The following RBFOX3 variants were observed in gnomAD, a reference collection of about 807,000 sequenced individuals.
The protein encoded by RBFOX3 is RNA binding protein fox-1 homolog 3.
Under a neutral mutation model 48.7 loss-of-function variants are expected in RBFOX3, and 17 were observed. That is an observed-to-expected ratio of 0.35 (90% CI 0.24 to 0.52). RBFOX3 has a LOEUF of 0.52. Ranked by LOEUF, RBFOX3 falls within the 20% of genes least tolerant of loss-of-function variation. The pLI, the probability that RBFOX3 is intolerant of heterozygous loss-of-function variation, is 0.94. For synonymous variants in RBFOX3, 212 were observed against 209.5 expected (o/e 1.01, Z -0.10); for missense variants, 382 against 497.5 (o/e 0.77, Z 2.21).
intron 1 of RBFOX3, among the ~76,000 whole-genome samples, chr17:79,518,697 C>T (rs1291107300): frequency 1.3e-5 from 2 of 152,232 alleles, no homozygotes; most frequent in African/African-American, 2.4e-5. Flanking sequence ...CGTGCAAAAC[C>T]GGGGTTGAGG....
intron 2 of RBFOX3, among the ~76,000 whole-genome samples, chr17:79,432,982 C>T (rs1039599522): frequency 2.6e-5 from 4 of 152,172 alleles, no homozygotes; most frequent in Admixed American, 6.5e-5. Context: ...GCTCCCCCTA[C>T]CCCAGCATTA....
chr17:79,146,480 T>A (rs912559311), intron 4 of RBFOX3, among the ~76,000 whole-genome samples: 1 of 152,232 alleles, frequency 6.6e-6, no homozygotes, highest in Admixed American at 6.5e-5. Context: ...GGGTTTAGTC[T>A]TAGCCCTGTT....
chr17:79,190,654 C>T (rs1251955396), intron 4 of RBFOX3, among the ~76,000 whole-genome samples: 2 of 152,094 alleles, frequency 1.3e-5, no homozygotes, highest in African/African-American at 4.8e-5. Context: ...ACCCTGAGTG[C>T]CAAGAAACTC....
chr17:79,405,518 C>A (rs1243340890), intron 2 of RBFOX3, among the ~76,000 whole-genome samples: 1 of 152,034 alleles, frequency 6.6e-6, no homozygotes, highest in African/African-American at 2.4e-5. Flanking sequence ...GCCAGGAGTT[C>A]AAGACCAGCC....
chr17:79,105,430 A>C (rs1044826957), intron 6 of RBFOX3, among the ~76,000 whole-genome samples: 3 of 152,192 alleles, frequency 2.0e-5, no homozygotes, highest in Admixed American at 2.0e-4. Context: ...CAGAGCTCCA[A>C]AATGTCAGCT....
chr17:79,554,957 T>C (rs2091503124), intron 1 of RBFOX3, among the ~76,000 whole-genome samples: 1 of 151,994 alleles, frequency 6.6e-6, no homozygotes, highest in Non-Finnish European at 1.5e-5. Context: ...CATGAACAGC[T>C]AAAATGTACA....
intron 4 of RBFOX3, among the ~76,000 whole-genome samples, chr17:79,142,425 C>T (rs948362238): frequency 3.9e-5 from 6 of 152,170 alleles, no homozygotes; most frequent in Non-Finnish European, 7.3e-5. Context: ...CTGTTGCCCA[C>T]GGCTGAGCAC....
intron 1 of RBFOX3, among the ~76,000 whole-genome samples, chr17:79,585,645 G>A (rs1408774169): frequency 1.3e-5 from 2 of 152,198 alleles, no homozygotes; most frequent in African/African-American, 4.8e-5. Flanking sequence ...GGGCCTGCAT[G>A]AGCTGGCACT....
chr17:79,527,899 G>A (rs1474400484), intron 1 of RBFOX3, among the ~76,000 whole-genome samples: 1 of 152,192 alleles, frequency 6.6e-6, no homozygotes, highest in Admixed American at 6.5e-5. Context: ...GGCCGATGGA[G>A]TCCTTGCCCT....
intron 1 of RBFOX3, among the ~76,000 whole-genome samples, chr17:79,610,139 C>G (rs1201917905): frequency 6.6e-6 from 1 of 152,070 alleles, no homozygotes; most frequent in African/African-American, 2.4e-5. Context: ...GCTCGGCCCC[C>G]GCGCACACCG....
At chr17:79,124,139 T>C (rs2036527218) in intron 4 of RBFOX3, among the ~76,000 whole-genome samples, 1 of 152,242 alleles carries the variant, frequency 6.6e-6, no homozygotes, top group Non-Finnish European at 1.5e-5. Flanking sequence ...CCAGGTCTAG[T>C]GACCACACTG....
In RBFOX3 at chr17:79,233,279, A is replaced by G. The variant is rs1200728756; in HGVS notation, c.-34+2487T>C. Among the ~76,000 whole-genome samples the G allele has an allele frequency of 2.0e-5, 3 of 152,246 alleles. No individual in the cohort carries two copies. In the East Asian group the frequency reaches 5.8e-4, roughly 29 times the overall value. ...GACCACAGATGCTACGATTCTATTTATATAAAACTCCAGAAAATATACATA... is the reference window on the plus strand; with the variant it reads ...GACCACAGATGCTACGATTCTATTTGTATAAAACTCCAGAAAATATACATA... On this transcript the variant is annotated intron_variant, in intron 4 of 14. Coordinates refer to ENST00000693108, the MANE Select transcript of RBFOX3 (RefSeq NM_001350451.2).
chr17:79,333,664 AGAGAG>A (rs2080752537), intron 2 of RBFOX3, among the ~76,000 whole-genome samples: 1 of 152,200 alleles, frequency 6.6e-6, no homozygotes. Flanking sequence ...CCATGACCCC[AGAGAG>A]GTCTGTCTGA....
At position 79,178,544 on chromosome 17, in the gene RBFOX3, G is replaced by A. The variant is rs116370778; in HGVS notation, c.-34+57222C>T. Among the ~76,000 whole-genome samples, 670 of 152,292 alleles carry A rather than the reference G, an allele frequency of 4.4e-3. 3 individuals carry two copies. Among genetic ancestry groups the A allele is most frequent in the African/African-American group, 0.015 (637 of 41,544 alleles). On this transcript the variant is annotated intron_variant, in intron 4 of 14. Coordinates refer to ENST00000693108, the MANE Select transcript of RBFOX3 (RefSeq NM_001350451.2). ...TCTCAGCAGCTTCCCGAGGTAGTAC[G>A]TGACCTAACCTCCCAGTGCCTCGGT...
At chr17:79,181,234 C>G (rs1386432998) in intron 4 of RBFOX3, among the ~76,000 whole-genome samples, 1 of 152,160 alleles carries the variant, frequency 6.6e-6, no homozygotes, top group African/African-American at 2.4e-5. Flanking sequence ...AGACCAGGAC[C>G]CTTACTCTAA....
At chr17:79,585,040 C>T (rs1296496924) in intron 1 of RBFOX3, among the ~76,000 whole-genome samples, 11 of 151,900 alleles carry the variant, frequency 7.2e-5, no homozygotes, top group Non-Finnish European at 1.6e-4. Flanking sequence ...GCTGGGATTA[C>T]AGGCGTGAGC....
chr17:79,170,488 C>T (rs960034078), intron 4 of RBFOX3, among the ~76,000 whole-genome samples: 3 of 152,202 alleles, frequency 2.0e-5, no homozygotes, highest in Non-Finnish European at 4.4e-5. Context: ...GCTGGGGGGG[C>T]AAGGCCTGGT....
intron 4 of RBFOX3, among the ~76,000 whole-genome samples, chr17:79,160,486 G>C (rs1290155876): frequency 1.3e-5 from 2 of 152,196 alleles, no homozygotes; most frequent in Non-Finnish European, 2.9e-5. Flanking sequence ...CGTATGTGGG[G>C]CGGTCACAAG....
intron 1 of RBFOX3, among the ~76,000 whole-genome samples, chr17:79,521,135 A>G (rs1371873608): frequency 3.3e-5 from 5 of 152,120 alleles, no homozygotes; most frequent in South Asian, 2.1e-4. Flanking sequence ...AAAGCCAGGC[A>G]CCTGCTTTAC....
Sources: allele counts gnomAD v4.1 joint callset (sites outside exome capture counted in the v4.1 genomes callset), GRCh38; gene constraint gnomAD v4.1.1; transcripts MANE v1.5; gene names NCBI Gene and HGNC (gene_info 2026-07-23, HGNC 2026-07-21).